The following HDX variants were observed in gnomAD, a reference collection of about 807,000 sequenced individuals.
The protein encoded by HDX is chromosome X open reading frame 43.
A neutral mutation model predicts 45.2 loss-of-function variants in HDX; 19 were observed. That is an observed-to-expected ratio of 0.42 (90% CI 0.29 to 0.62). The LOEUF is 0.62. Among genes scored for constraint, HDX ranks in the 20% least tolerant of loss-of-function variants. The probability of loss-of-function intolerance (pLI) is 0.20; values close to 1 mark genes in which losing one functional copy is unlikely to be tolerated. For synonymous variants in HDX, 188 were observed against 172.8 expected (o/e 1.09, Z -0.69); for missense variants, 532 against 493.9 (o/e 1.08, Z -0.73).
At chrX:84,428,505 A>G (rs1174799228) in intron 5 of HDX, among the ~76,000 whole-genome samples, 2 of 111,068 alleles carry the variant, frequency 1.8e-5, no homozygotes, top group African/African-American at 6.5e-5. Context: ...GACATTTTAC[A>G]TAAATAGAAT....
chrX:84,502,011 G>A (rs1005172246), intron 1 of HDX, among the ~76,000 whole-genome samples: 3 of 111,301 alleles, frequency 2.7e-5, no homozygotes, highest in African/African-American at 9.8e-5. Flanking sequence ...TCCTTTCTTC[G>A]GAGGCAGAGG....
chrX:84,328,419 A>G (rs2036765714), intron 9 of HDX, among the ~76,000 whole-genome samples: 1 of 111,307 alleles, frequency 9.0e-6, no homozygotes, highest in Non-Finnish European at 1.9e-5. Flanking sequence ...TTTAAAATAT[A>G]TTGTAAAGAA....
intron 1 of HDX, among the ~76,000 whole-genome samples, chrX:84,494,653 C>T (rs2040963304): frequency 9.0e-6 from 1 of 111,711 alleles, no homozygotes; most frequent in African/African-American, 3.3e-5. Flanking sequence ...AACATACAAA[C>T]ACACATGTAT....
intron 5 of HDX, among the ~76,000 whole-genome samples, chrX:84,373,399 A>G: frequency 9.0e-6 from 1 of 111,187 alleles, no homozygotes; most frequent in Non-Finnish European, 1.9e-5. Flanking sequence ...ATCCTCCCTA[A>G]CTCATTTTAT....
At chrX:84,460,055 C>T (rs1180632767) in intron 4 of HDX, among the ~76,000 whole-genome samples, 1 of 111,218 alleles carries the variant, frequency 9.0e-6, no homozygotes, top group Non-Finnish European at 1.9e-5. Flanking sequence ...AAAAGTCTCC[C>T]AGCAAAGAAA....
chrX:84,339,642 C>A (rs2037041817), intron 7 of HDX, among the ~76,000 whole-genome samples: 1 of 111,368 alleles, frequency 9.0e-6, no homozygotes, highest in Non-Finnish European at 1.9e-5. Flanking sequence ...CCTGGTAATT[C>A]CCCAAGAAAA....
Position 84,475,296 on chromosome X carries a change from T to C in HDX, c.102A>G (p.Ile34Met). The C allele has an allele frequency of 8.3e-7, 1 of 1,199,831 alleles. No individual in the cohort carries two copies. The highest frequency in any genetic ancestry group is 1.1e-6 in the Non-Finnish European group (1 of 887,709). The change falls in exon 3 of 11, where the codon ATA (isoleucine) becomes ATG (methionine). Residue 34 changes from isoleucine to methionine, a missense_variant. Around this residue, in one of 3 missense-constraint regions of HDX, gnomAD observed 376 missense variants for 343.7 expected, o/e 1.09. Transcript: ENST00000373177. ...TNQSKNCFQL[I>M]LQCAQETKLD... ...GCTTAGTCTCCTGTGCACACTGTAA[T>C]ATGAGCTGAAAGCAATTTTTACTTT...
chrX:84,428,587 TACATGATGCA>T (rs947488208), intron 5 of HDX, among the ~76,000 whole-genome samples: 1 of 111,177 alleles, frequency 9.0e-6, no homozygotes, highest in Non-Finnish European at 1.9e-5. Context: ...CTGAGGTTCA[TACATGATGCA>T]ACATGTGTCA....
chrX:84,373,563 G>T (rs1384159358), intron 5 of HDX, among the ~76,000 whole-genome samples: 1 of 110,399 alleles, frequency 9.1e-6, no homozygotes, highest in Non-Finnish European at 1.9e-5. Flanking sequence ...TATCCACCAT[G>T]ATCAAGAGGG....
chrX:84,345,527 A>G (rs902858723), intron 6 of HDX, among the ~76,000 whole-genome samples: 11 of 111,658 alleles, frequency 9.9e-5, no homozygotes, highest in Admixed American at 9.5e-5. Flanking sequence ...TCGTTTAACC[A>G]TTTACCTGCT....
chrX:84,486,977 A>G (rs1387046586), intron 2 of HDX, among the ~76,000 whole-genome samples: 1 of 111,223 alleles, frequency 9.0e-6, no homozygotes, highest in Non-Finnish European at 1.9e-5. Flanking sequence ...CATGAATACT[A>G]TTTTTATATC....
Position 84,333,851 on chromosome X carries a change from C to T in HDX, c.1741-9G>A, listed in dbSNP as rs1173758669. The stretch of plus-strand genomic sequence containing the variant: ...TCAATAATTTCTATTTTCTGTAACA[C>T]AAGTAGAGAAGTTACAAATATATAT... On this transcript the variant is annotated splice_polypyrimidine_tract_variant and intron_variant, in intron 8 of 10. Coordinates refer to ENST00000373177, the MANE Select transcript of HDX (RefSeq NM_001177479.2). The T allele has an allele frequency of 3.9e-6, 3 of 778,893 alleles. No homozygotes were observed. The highest frequency in any genetic ancestry group is 5.8e-6 in the Non-Finnish European group (3 of 521,003). The allele number at this position is 778,893 out of a possible 1,213,427, so 64.2% of individuals were successfully genotyped here.
intron 5 of HDX, among the ~76,000 whole-genome samples, chrX:84,383,911 A>T (rs192788932): frequency 9.0e-6 from 1 of 111,437 alleles, no homozygotes; most frequent in Non-Finnish European, 1.9e-5. Context: ...ATAGTATTCC[A>T]TGGTGTATAT....
At chrX:84,441,330 A>G (rs1464405782) in intron 4 of HDX, among the ~76,000 whole-genome samples, 1 of 111,418 alleles carries the variant, frequency 9.0e-6, no homozygotes, top group African/African-American at 3.3e-5. Context: ...CATTACCTCT[A>G]TTTACTTTGT....
chrX:84,333,775 G>T lies in HDX; in HGVS notation c.1808C>A (p.Ser603Tyr). The part of the protein sequence containing the change: ...ISNSEVEQVN[S>Y]FLDYKNEEVK... Reference sequence around the variant, plus strand: ...ATTACCTACCTTATAATCCAAGAAAGAGTTTACTTGTTCTACTTCAGAATT... The same window carrying T: ...ATTACCTACCTTATAATCCAAGAAATAGTTTACTTGTTCTACTTCAGAATT... The change falls in exon 9 of 11, where the codon TCT becomes TAT. Residue 603 changes from serine to tyrosine, a missense_variant. By Grantham distance (144) the Ser-to-Tyr change is moderately radical. This residue lies in a region of HDX where 151 missense variants were observed against 131.8 expected (regional missense o/e 1.15). Transcript: ENST00000373177. The T allele has an allele frequency of 1.1e-6, 1 of 932,695 alleles. No individual in the cohort carries two copies. Among genetic ancestry groups the T allele is most frequent in the Non-Finnish European group, 1.5e-6 (1 of 654,606 alleles). 76.9% of individuals were successfully genotyped at this position (932,695 alleles called of 1,213,427 possible). A position where few individuals can be genotyped will look rare whatever the true frequency, so the allele number is the denominator to read the frequency against.
chrX:84,462,873 T>C (rs1255317145), intron 4 of HDX, among the ~76,000 whole-genome samples: 2 of 111,271 alleles, frequency 1.8e-5, no homozygotes, highest in Non-Finnish European at 3.8e-5. Flanking sequence ...ATGCATGCTA[T>C]GACATGAATG....
At position 84,416,594 on chromosome X, in the gene HDX, C is replaced by T. The variant is rs372213270; in HGVS notation, c.1305+23938G>A. Among the ~76,000 whole-genome samples, 16 of 110,670 alleles carry T rather than the reference C, an allele frequency of 1.4e-4. No individual in the cohort carries two copies. In the East Asian group the frequency reaches 4.2e-3, roughly 29 times the overall value. On this transcript the variant is annotated intron_variant, in intron 5 of 10. Coordinates refer to ENST00000373177, the MANE Select transcript of HDX (RefSeq NM_001177479.2). The stretch of plus-strand genomic sequence containing the variant: ...GCAGGAATTATATCTTATTATTTTC[C>T]TCACCATTGCATCCCTAGGATCATG...
chrX:84,355,804 C>T (rs376314255), intron 6 of HDX, among the ~76,000 whole-genome samples: 3 of 108,396 alleles, frequency 2.8e-5, no homozygotes, highest in East Asian at 5.8e-4. Flanking sequence ...CACAAGTATA[C>T]GCACGTAACA....
In HDX at chrX:84,326,632, G is replaced by A. The variant is rs931525317; in HGVS notation, c.1825-332C>T. On this transcript the variant is annotated intron_variant, in intron 9 of 10. Transcript: ENST00000373177. ...ATTCAGATTAAGATTAAGAATAAAG[G>A]TTGGGTGCGTGGCTCACACCTGTAA... is the stretch of plus-strand genomic sequence containing the variant. Among the ~76,000 whole-genome samples the A allele has an allele frequency of 3.6e-5, 4 of 111,204 alleles. No individual in the cohort carries two copies. In the Admixed American group the frequency reaches 3.8e-4, roughly 11 times the overall value.
Sources: gnomAD v4.1 joint callset for allele counts (sites outside exome capture counted in the v4.1 genomes callset) on GRCh38, gnomAD v4.1.1 for gene constraint, gnomAD v4.1.1 regional missense constraint, MANE v1.5 for transcripts, NCBI Gene and HGNC (gene_info 2026-07-23, HGNC 2026-07-21) for gene names.